Variants in TTC7A observed in about 807,000 individuals in gnomAD.
The protein encoded by TTC7A is tetratricopeptide repeat domain 7A.
TTC7A carries 110 observed loss-of-function variants against 103.7 expected under a neutral mutation model. That is an observed-to-expected ratio of 1.06 (90% CI 0.91 to 1.24). TTC7A has a LOEUF of 1.24. Among genes scored for constraint, TTC7A ranks in the 50% most tolerant of loss-of-function variants. The pLI, the probability that TTC7A is intolerant of heterozygous loss-of-function variation, is 0.00. For missense variants in TTC7A, 1,340 were observed against 1,116.3 expected (o/e 1.20, Z -2.86); for synonymous variants, 521 against 467.9 (o/e 1.11, Z -1.47).
chr2:46,945,441 G>T (rs1670847741), intron 1 of TTC7A, among the ~76,000 whole-genome samples: 1 of 152,212 alleles, frequency 6.6e-6, no homozygotes, highest in Admixed American at 6.5e-5. Context: ...TTAGAGACGA[G>T]GTTTCACCAT....
chr2:46,972,494 A>G (rs936484251), intron 3 of TTC7A, among the ~76,000 whole-genome samples: 2 of 152,174 alleles, frequency 1.3e-5, no homozygotes, highest in Non-Finnish European at 2.9e-5. Context: ...TAACATTTCT[A>G]AGCTGATGTC....
At chr2:46,980,913 GC>G (rs1674386599) in intron 5 of TTC7A, among the ~76,000 whole-genome samples, 1 of 152,226 alleles carries the variant, frequency 6.6e-6, no homozygotes, top group Non-Finnish European at 1.5e-5. Context: ...AAATGGTACA[GC>G]CTAGCCAGGT....
chr2:47,041,442 A>G (rs1387336477), intron 15 of TTC7A, among the ~76,000 whole-genome samples: 1 of 152,152 alleles, frequency 6.6e-6, no homozygotes, highest in African/African-American at 2.4e-5. Context: ...CACTGATTCT[A>G]GAATGTCTGA....
Position 47,021,932 on chromosome 2 carries a change from A to G in TTC7A, c.1463A>G (p.Lys488Arg). ...LGEEAGEFLPKGYLALGLTYS... is the reference protein window; with the variant it reads ...LGEEAGEFLPRGYLALGLTYS... ...GAGGAAGCCGGGGAGTTCCTCCCCA[A>G]GGGCTACCTGGCTCTGGGTCTCACC... is the stretch of plus-strand genomic sequence containing the variant. The change falls in exon 12 of 20, where the codon AAG becomes AGG. Residue 488 changes from lysine (K) to arginine (R), a missense_variant. Physicochemically the swap from Lys to Arg is conservative, Grantham distance 26. Transcript: ENST00000319190. The G allele has an allele frequency of 6.2e-7, 1 of 1,614,112 alleles. No individual in the cohort carries two copies. The highest frequency in any genetic ancestry group is 1.1e-5 in the South Asian group (1 of 91,084).
chr2:47,032,672 G>A (rs1680683517), intron 15 of TTC7A, among the ~76,000 whole-genome samples: 1 of 151,812 alleles, frequency 6.6e-6, no homozygotes, highest in African/African-American at 2.4e-5. Flanking sequence ...GTCCAGGGCT[G>A]TGGGTCTAGG....
intron 2 of TTC7A, among the ~76,000 whole-genome samples, chr2:46,929,400 C>G (rs544992285): frequency 3.9e-5 from 6 of 152,214 alleles, no homozygotes; most frequent in African/African-American, 1.4e-4. Flanking sequence ...GGCAGGATTG[C>G]TTGAGCCCAG....
chr2:46,955,115 A>C (rs1351385632), intron 2 of TTC7A, among the ~76,000 whole-genome samples: 1 of 152,218 alleles, frequency 6.6e-6, no homozygotes, highest in Non-Finnish European at 1.5e-5. Flanking sequence ...AGAAAAGTTC[A>C]AAGCTCTTTT....
intron 15 of TTC7A, among the ~76,000 whole-genome samples, chr2:47,029,778 T>A (rs1572962376): frequency 6.6e-6 from 1 of 152,194 alleles, no homozygotes; most frequent in Non-Finnish European, 1.5e-5. Flanking sequence ...GATGGGATTC[T>A]AACATGAGCT....
intron 4 of TTC7A, 39 bp downstream of exon 4, chr2:46,975,142 A>G (rs754798690): frequency 1.4e-5 from 22 of 1,609,392 alleles, no homozygotes; most frequent in Middle Eastern, 1.7e-4. Context: ...GCTGCTCTCT[A>G]TTGAGCACCT....
chr2:47,058,098 A>C (rs1351353331), intron 18 of TTC7A, among the ~76,000 whole-genome samples: 1 of 152,118 alleles, frequency 6.6e-6, no homozygotes, highest in Non-Finnish European at 1.5e-5. Context: ...AGGCTGAGAG[A>C]GCCAAATCTC....
intron 17 of TTC7A, among the ~76,000 whole-genome samples, chr2:47,051,321 A>G (rs1682837836): frequency 6.6e-6 from 1 of 152,192 alleles, no homozygotes; most frequent in African/African-American, 2.4e-5. Flanking sequence ...ACCTAACTAT[A>G]TAGTGCGAAC....
At chr2:46,917,249 C>T (rs1204810341) in exon 2 of TTC7A, 5 of 700,174 alleles carry the variant, frequency 7.1e-6, no homozygotes, top group Non-Finnish European at 1.3e-5. Context: ...CCCACCACCT[C>T]CGCCTCCCAA....
chr2:47,057,127 C>T (rs757392933), intron 18 of TTC7A, among the ~76,000 whole-genome samples: 1 of 152,306 alleles, frequency 6.6e-6, no homozygotes, highest in South Asian at 2.1e-4. Flanking sequence ...GAGCAGGAGC[C>T]GAAGGCATCT....
chr2:46,971,519 G>A (rs921549089), intron 3 of TTC7A, among the ~76,000 whole-genome samples: 3 of 152,126 alleles, frequency 2.0e-5, no homozygotes, highest in African/African-American at 4.8e-5. Flanking sequence ...CCAGAAGTTG[G>A]ACCTTACTCT....
chr2:47,034,894 C>A (rs909154811), intron 15 of TTC7A, among the ~76,000 whole-genome samples: 16 of 152,310 alleles, frequency 1.1e-4, no homozygotes, highest in African/African-American at 3.8e-4. Flanking sequence ...GGCTTCCCGA[C>A]AAGCCAGAGC....
chr2:46,946,982 G>A (rs555446267), intron 1 of TTC7A, among the ~76,000 whole-genome samples: 137 of 152,280 alleles, frequency 9.0e-4, no homozygotes, highest in African/African-American at 3.1e-3. Context: ...CAGGCAGAAA[G>A]CCTTCTGTGA....
rs1161003607 is a variant in TTC7A at position 46,934,787 on chromosome 2, CTTTTTTTT to C, written c.83-15551_83-15544del. Among the ~76,000 whole-genome samples the C allele has an allele frequency of 1.0e-3, 70 of 66,910 alleles. 2 individuals carry two copies. Among genetic ancestry groups the C allele is most frequent in the African/African-American group, 3.8e-3 (59 of 15,424 alleles). 43.9% of individuals were successfully genotyped at this position (66,910 alleles called of 152,430 possible). On this transcript the variant is annotated intron_variant, in intron 2 of 20. Coordinates refer to the TTC7A transcript ENST00000409245. ...GGAATAAGGTATGAAGACTACTGCT[CTTTTTTTT>C]TTTTTTTTTTTTTTTTTTTTTTTTG...
At chr2:46,965,714 A>G (rs1044944901) in intron 3 of TTC7A, among the ~76,000 whole-genome samples, 1 of 151,954 alleles carries the variant, frequency 6.6e-6, no homozygotes, top group Middle Eastern at 3.4e-3. Flanking sequence ...GGCACGTACT[A>G]CCATACCCTG....
At position 47,060,955 on chromosome 2, in the gene TTC7A, G is replaced by T; in HGVS notation, c.2339G>T (p.Arg780Leu). The T allele has an allele frequency of 1.2e-6, 2 of 1,612,270 alleles. No homozygotes were observed. Among genetic ancestry groups the T allele is most frequent in the Non-Finnish European group, 8.5e-7 (1 of 1,179,114 alleles). The change falls in exon 19 of 20, where the codon CGC becomes CTC. Residue 780 changes from arginine (R) to leucine (L), a missense_variant. Coordinates refer to ENST00000319190, the MANE Select transcript of TTC7A (RefSeq NM_020458.4). ...CTCACGGTGAACCCAGATGGCGTGC[G>T]CATCATGCATAGCCTGGTGAGTCAG... Reference protein sequence around the residue: ...EALTVNPDGVRIMHSLGLMLS... With the variant: ...EALTVNPDGVLIMHSLGLMLS...
Sources: gnomAD v4.1 joint callset for allele counts (sites outside exome capture counted in the v4.1 genomes callset) on GRCh38, gnomAD v4.1.1 for gene constraint, MANE v1.5 for transcripts, NCBI Gene and HGNC (gene_info 2026-07-23, HGNC 2026-07-21) for gene names.